Variants in KMT2E observed in about 807,000 individuals in gnomAD.
KMT2E encodes histone reader KMT2E.
In KMT2E, 30 loss-of-function variants were observed where a neutral mutation model predicts 184.6. The ratio of observed to expected loss-of-function variants is 0.16; its 90% CI spans 0.12 to 0.22. The LOEUF is 0.22. Among genes scored for constraint, KMT2E ranks in the 10% least tolerant of loss-of-function variants. The pLI, the probability that KMT2E is intolerant of heterozygous loss-of-function variation, is 1.00. For missense variants in KMT2E, 2,023 were observed against 2,237.4 expected (o/e 0.90, Z 1.93); for synonymous variants, 815 against 776.5 (o/e 1.05, Z -0.82).
intron 1 of KMT2E, among the ~76,000 whole-genome samples, chr7:105,021,957 G>A (rs1419476901): frequency 6.6e-6 from 1 of 152,048 alleles, no homozygotes; most frequent in Admixed American, 6.6e-5. Context: ...CTTATACTGT[G>A]TACCAAGATC....
chr7:105,079,511 C>CTTTTTTTT lies in KMT2E; in HGVS notation c.1248+571_1248+578dup, dbSNP rs66734303. Among the ~76,000 whole-genome samples the CTTTTTTTT allele has an allele frequency of 2.8e-3, 173 of 62,336 alleles. 32 individuals are homozygous for CTTTTTTTT. The East Asian group carries it at 0.034, about 12-fold the overall frequency. 40.9% of individuals were successfully genotyped at this position (62,336 alleles called of 152,430 possible). A position where few individuals can be genotyped will look rare whatever the true frequency, so the allele number is the denominator to read the frequency against. On this transcript the variant is annotated intron_variant, in intron 12 of 26. Transcript: ENST00000311117. ...CTTATAAGAGGAAATATTGGACTTC[C>CTTTTTTTT]TTTTTTTTTTTTTTTTTTTTTTTTT...
At position 105,101,872 on chromosome 7, in the gene KMT2E, G is replaced by A. The variant is rs756567372; in HGVS notation, c.1888-14G>A. The A allele has an allele frequency of 2.5e-5, 40 of 1,588,736 alleles. No homozygotes were observed. Among genetic ancestry groups the A allele is most frequent in the Non-Finnish European group, 3.0e-5 (35 of 1,168,478 alleles). On this transcript the variant is annotated splice_polypyrimidine_tract_variant and intron_variant, in intron 16 of 26. Coordinates refer to ENST00000311117, the MANE Select transcript of KMT2E (RefSeq NM_182931.3). Reference sequence around the variant, plus strand: ...GTAGTATAAAAACTTCCATTCGCTTGTATTTTGAATTAGGAACAAGCAAAA... The same window carrying A: ...GTAGTATAAAAACTTCCATTCGCTTATATTTTGAATTAGGAACAAGCAAAA...
intron 2 of KMT2E, among the ~76,000 whole-genome samples, chr7:105,039,946 G>A (rs1465150764): frequency 6.6e-6 from 1 of 152,028 alleles, no homozygotes; most frequent in Non-Finnish European, 1.5e-5. Context: ...ATTTAAATTA[G>A]AAAAATTGAT....
chr7:105,063,718 C>T (rs976809087), intron 5 of KMT2E, 138 bp downstream of exon 5: 9 of 616,150 alleles, frequency 1.5e-5, no homozygotes, highest in Admixed American at 1.0e-4. Flanking sequence ...TTGATGCAGT[C>T]CTAGAAAAAG....
At chr7:105,100,261 G>A (rs1251537594) in intron 15 of KMT2E, among the ~76,000 whole-genome samples, 2 of 152,128 alleles carry the variant, frequency 1.3e-5, no homozygotes, top group African/African-American at 2.4e-5. Flanking sequence ...CCCTTGCTGA[G>A]TGTAACAACA....
chr7:105,095,458 G>T (rs1798366400), intron 15 of KMT2E, among the ~76,000 whole-genome samples: 1 of 152,074 alleles, frequency 6.6e-6, no homozygotes, highest in Non-Finnish European at 1.5e-5. Context: ...GGCTACTAGG[G>T]AGATAAAGTT....
At chr7:105,068,550 T>A (rs752319388) in intron 6 of KMT2E, among the ~76,000 whole-genome samples, 1 of 151,766 alleles carries the variant, frequency 6.6e-6, no homozygotes, top group Non-Finnish European at 1.5e-5. Context: ...GTTCAGGTGA[T>A]TCTCCCATCC....
rs756805365 is a variant in KMT2E at position 105,112,599 on chromosome 7, C to T, written c.4843C>T (p.Pro1615Ser). The T allele has an allele frequency of 1.6e-5, 26 of 1,613,904 alleles. No individual in the cohort carries two copies. Among genetic ancestry groups the T allele is most frequent in the African/African-American group, 1.5e-4 (11 of 74,844 alleles). The change falls in exon 27 of 27, where the codon CCT (proline) becomes TCT (serine). Residue 1615 changes from proline to serine, a missense_variant. Pro to Ser is a moderately conservative substitution (Grantham distance 74). Coordinates refer to ENST00000311117, the MANE Select transcript of KMT2E (RefSeq NM_182931.3). Reference protein sequence around the residue: ...TPGHFLPSQNPTIHHQTAAAV... With the variant: ...TPGHFLPSQNSTIHHQTAAAV... ...AGGGCATTTTTTGCCCTCTCAGAAC[C>T]CTACCATTCACCATCAAACTGCTGC...
intron 1 of KMT2E, among the ~76,000 whole-genome samples, chr7:105,016,709 C>T (rs1261075648): frequency 6.6e-6 from 1 of 152,072 alleles, no homozygotes; most frequent in Non-Finnish European, 1.5e-5. Context: ...TGTGGAGCAA[C>T]GGAAAGATGA....
intron 20 of KMT2E, 111 bp from the exon 21 acceptor site, chr7:105,107,055 G>A: frequency 1.5e-6 from 1 of 678,964 alleles, no homozygotes; most frequent in East Asian, 2.9e-5. Context: ...CAGGAAACAA[G>A]ATCTAAAACT....
intron 15 of KMT2E, among the ~76,000 whole-genome samples, chr7:105,097,117 A>C (rs1798441396): frequency 6.6e-6 from 1 of 152,208 alleles, no homozygotes; most frequent in South Asian, 2.1e-4. Flanking sequence ...TGCTGTTACT[A>C]AATGTCTCTA....
intron 3 of KMT2E, among the ~76,000 whole-genome samples, chr7:105,059,978 G>GTTTTTT (rs67291226): frequency 0.013 from 685 of 51,770 alleles, 135 homozygotes; most frequent in Non-Finnish European, 0.02. Flanking sequence ...TCTTGTTGTT[G>GTTTTTT]TTTTTTTTTT....
intron 16 of KMT2E, 61 bp from the exon 17 acceptor site, chr7:105,101,825 T>C: frequency 7.7e-7 from 1 of 1,294,846 alleles, no homozygotes; most frequent in East Asian, 2.6e-5. Context: ...ATAATGCTAT[T>C]ATATTTAAAC....
chr7:105,017,569 G>T (rs1445024974), intron 1 of KMT2E, among the ~76,000 whole-genome samples: 1 of 150,384 alleles, frequency 6.6e-6, no homozygotes, highest in East Asian at 2.0e-4. Context: ...TTTACTATGT[G>T]TGTTTTAAGT....
intron 5 of KMT2E, chr7:105,064,197 G>A (rs983338071): frequency 2.2e-5 from 5 of 226,700 alleles, no homozygotes; most frequent in African/African-American, 4.1e-5. Flanking sequence ...TTTTTTGACT[G>A]GGGGGAAGGA....
intron 3 of KMT2E, among the ~76,000 whole-genome samples, chr7:105,049,872 CAA>C (rs1005898927): frequency 3.9e-5 from 6 of 151,978 alleles, no homozygotes; most frequent in African/African-American, 1.5e-4. Flanking sequence ...GCCTGGGCGA[CAA>C]GAGCAAAACT....
chr7:105,101,475 T>C lies in KMT2E; in HGVS notation c.1773T>C (p.Leu591=). 6.3e-7 allele frequency: 1 copy of C among 1,580,922 alleles called. No individual in the cohort carries two copies. Among genetic ancestry groups the C allele is most frequent in the Non-Finnish European group, 8.6e-7 (1 of 1,168,006 alleles). ...MEAILQAFAR[L]EKREKRREQA... ...CAATTTTGCAAGCTTTTGCCAGACT[T>C]GAAAAGAGAGAGAAAAGAAGAGAAC... is the stretch of plus-strand genomic sequence containing the variant. Residue 591 remains leucine, a synonymous_variant, in exon 16 of 27, where the codon CTT becomes CTC. Transcript: ENST00000311117.
intron 1 of KMT2E, among the ~76,000 whole-genome samples, chr7:105,018,085 T>C (rs1329081013): frequency 6.6e-6 from 1 of 152,198 alleles, no homozygotes; most frequent in African/African-American, 2.4e-5. Context: ...AAATTATAAT[T>C]TCTTAAATTG....
chr7:105,074,554 C>G, intron 7 of KMT2E, 89 bp from the exon 8 acceptor site: 1 of 968,964 alleles, frequency 1.0e-6, no homozygotes, highest in Non-Finnish European at 1.4e-6. Flanking sequence ...AAGATGGAGA[C>G]GACAATACTT....
Sources: gnomAD v4.1 joint callset for allele counts (sites outside exome capture counted in the v4.1 genomes callset) on GRCh38, gnomAD v4.1.1 for gene constraint, MANE v1.5 for transcripts, NCBI Gene and HGNC (gene_info 2026-07-23, HGNC 2026-07-21) for gene names.